The following KDM2B variants were observed in gnomAD, a reference collection of about 807,000 sequenced individuals.
KDM2B encodes the protein lysine-specific demethylase 2B.
A neutral mutation model predicts 150.0 loss-of-function variants in KDM2B; 26 were observed. The observed-to-expected ratio is 0.17, with a 90% CI of 0.13 to 0.24. The LOEUF (loss-of-function observed/expected upper bound fraction) is 0.24, where lower values mean the gene tolerates loss of function less well. KDM2B is among the 10% of genes least tolerant of loss of function. The pLI, the probability that KDM2B is intolerant of heterozygous loss-of-function variation, is 1.00. For missense variants in KDM2B, 1,265 were observed against 1,816.9 expected (o/e 0.70, Z 5.52); for synonymous variants, 734 against 729.5 (o/e 1.01, Z -0.10).
intron 12 of KDM2B, chr12:121,493,768 C>T (rs922034542): frequency 6.6e-4 from 100 of 152,220 alleles, no homozygotes; most frequent in African/African-American, 2.3e-3. Context: ...AGACAACAAA[C>T]TGCTCCTACA....
intron 6 of KDM2B, among the ~76,000 whole-genome samples, chr12:121,547,154 G>T (rs1950243215): frequency 6.6e-6 from 1 of 152,100 alleles, no homozygotes; most frequent in Admixed American, 6.6e-5. Context: ...TCTCCAGAGG[G>T]TAGGGGCTTG....
At chr12:121,573,260 G>A (rs1404030394) in intron 4 of KDM2B, among the ~76,000 whole-genome samples, 3 of 150,764 alleles carry the variant, frequency 2.0e-5, no homozygotes, top group South Asian at 4.2e-4. Flanking sequence ...TGCTCAGCCA[G>A]ATATATCATT....
intron 8 of KDM2B, among the ~76,000 whole-genome samples, chr12:121,525,471 C>T (rs1555306656): frequency 6.6e-6 from 1 of 152,130 alleles, no homozygotes; most frequent in African/African-American, 2.4e-5. Context: ...CTCTAACTCC[C>T]AGCCTCAGGT....
chr12:121,492,108 T>G (rs1555300060), intron 12 of KDM2B, among the ~76,000 whole-genome samples: 1 of 148,158 alleles, frequency 6.7e-6, no homozygotes, highest in African/African-American at 2.5e-5. Context: ...CAGTGACCTA[T>G]GATTGCACCA....
In KDM2B at chr12:121,533,409, G is replaced by C. The variant is rs551417373; in HGVS notation, c.778-450C>G. Among the ~76,000 whole-genome samples, 1 of 152,134 alleles carries C rather than the reference G, an allele frequency of 6.6e-6. No homozygotes were observed. Among genetic ancestry groups the C allele is most frequent in the African/African-American group, 2.4e-5 (1 of 41,410 alleles). On this transcript the variant is annotated intron_variant, in intron 7 of 22. Transcript: ENST00000377071. The surrounding 1 kb of genome is among the most constrained non-coding windows in gnomAD (Gnocchi z 4.1). ...TTCCTCCCAGAATTTCTTCCAACAC[G>C]TTCAGTTAAAACAAACGCACATGCA... is the stretch of plus-strand genomic sequence containing the variant.
At chr12:121,551,652 A>G (rs1430121453) in intron 4 of KDM2B, among the ~76,000 whole-genome samples, 2 of 152,104 alleles carry the variant, frequency 1.3e-5, no homozygotes, top group African/African-American at 4.8e-5. Context: ...TGCGGGGTTC[A>G]AGTGATTCTC....
At chr12:121,576,585 GCT>G (rs72099686) in intron 2 of KDM2B, among the ~76,000 whole-genome samples, 15,099 of 152,100 alleles carry the variant, frequency 0.099, 935 homozygotes, top group South Asian at 0.2. Flanking sequence ...TCACAGGCTC[GCT>G]CTCTGTCTGG....
At chr12:121,446,289 T>C (rs1876239430) in intron 13 of KDM2B, among the ~76,000 whole-genome samples, 1 of 152,098 alleles carries the variant, frequency 6.6e-6, no homozygotes, top group East Asian at 1.9e-4. Context: ...TCCCAGCTAC[T>C]CGGGAGACTG....
rs1880145462 is a variant in KDM2B at position 121,467,264 on chromosome 12, C to G, written c.1735-13920G>C. On this transcript the variant is annotated intron_variant, in intron 12 of 22. Coordinates refer to ENST00000377071, the MANE Select transcript of KDM2B (RefSeq NM_032590.5). This position sits in a 1 kb window ranked among gnomAD's most constrained non-coding sequence, Gnocchi z 5.1. ...CGCTGACATGGCTGGAGCGGCGCCG[C>G]CGCCGCCGCCCGCCCGGAGCAGGCT... 3.0e-6 allele frequency: 3 copies of G among 987,702 alleles called. No homozygotes were observed. The highest frequency in any genetic ancestry group is 1.8e-5 in the African/African-American group (1 of 56,944). 61.2% of individuals were successfully genotyped at this position (987,702 alleles called of 1,614,324 possible).
chr12:121,412,756 G>A, the KDM2B span, among the ~76,000 whole-genome samples: 173 of 138,484 alleles, frequency 1.2e-3, no homozygotes, highest in African/African-American at 4.6e-3. Context: ...ATGGAGTCTC[G>A]CTGTGTCACC....
Position 121,528,491 on chromosome 12 carries a change from G to T in KDM2B, c.931+4315C>A, listed in dbSNP as rs59152460. The stretch of plus-strand genomic sequence containing the variant: ...TGAGAATTGCTTAAACTTGGGAGGT[G>T]GAGGTTGCAGTGAGTCGAGATGGTG... On this transcript the variant is annotated intron_variant, in intron 8 of 22. Coordinates refer to ENST00000377071, the MANE Select transcript of KDM2B (RefSeq NM_032590.5). 1.9e-3 allele frequency among the ~76,000 whole-genome samples: 285 copies of T among 152,116 alleles called. 1 individual carries two copies. The highest frequency in any genetic ancestry group is 6.8e-3 in the African/African-American group (280 of 41,480).
At chr12:121,459,832 GAA>G (rs1205908155) in intron 12 of KDM2B, among the ~76,000 whole-genome samples, 1 of 113,502 alleles carries the variant, frequency 8.8e-6, no homozygotes, top group Non-Finnish European at 1.9e-5. Context: ...CTCCATCTCA[GAA>G]AAAAAAAAAA....
chr12:121,446,581 G>A (rs1397292302), intron 13 of KDM2B, among the ~76,000 whole-genome samples: 1 of 151,582 alleles, frequency 6.6e-6, no homozygotes, highest in African/African-American at 2.4e-5. Context: ...TGAGCTGGGA[G>A]GTGAAATGGC....
In KDM2B at chr12:121,533,009, C is replaced by T; in HGVS notation, c.778-50G>A. ...GCTGGAGACCCAGGCCCAGACAAGACCCAGAGAGAGGGCCCCACCTGCCTG... is the reference window on the plus strand; with the variant it reads ...GCTGGAGACCCAGGCCCAGACAAGATCCAGAGAGAGGGCCCCACCTGCCTG... On this transcript the variant is annotated intron_variant, in intron 7 of 22. Coordinates refer to ENST00000377071, the MANE Select transcript of KDM2B (RefSeq NM_032590.5). The surrounding 1 kb of genome is among the most constrained non-coding windows in gnomAD (Gnocchi z 4.1). The T allele has an allele frequency of 5.6e-6, 9 of 1,604,126 alleles. No homozygotes were observed. The highest frequency in any genetic ancestry group is 6.8e-6 in the Non-Finnish European group (8 of 1,173,138).
rs1840804088 is a variant in KDM2B, at chr12:121,513,477, G to T, written c.1048-75C>A. On this transcript the variant is annotated intron_variant, in intron 9 of 22. Coordinates refer to ENST00000377071, the MANE Select transcript of KDM2B (RefSeq NM_032590.5). The surrounding 1 kb of genome is among the most constrained non-coding windows in gnomAD (Gnocchi z 5.0). ...GGGGAAGGAGGGAGAGAAGTGCGGG[G>T]CAGGCTCCCTGCAGGTGAGGGTCAC... The T allele has an allele frequency of 2.6e-6, 4 of 1,537,236 alleles. No individual in the cohort carries two copies. Among genetic ancestry groups the T allele is most frequent in the Non-Finnish European group, 3.6e-6 (4 of 1,118,274 alleles).
chr12:121,548,140 C>T (rs1216773100), intron 6 of KDM2B, among the ~76,000 whole-genome samples: 1 of 152,056 alleles, frequency 6.6e-6, no homozygotes, highest in Non-Finnish European at 1.5e-5. Context: ...GGCCAGGCGC[C>T]GTGACTCACG....
chr12:121,574,671 C>A, intron 3 of KDM2B, 78 bp from the exon 4 acceptor site: 2 of 1,322,192 alleles, frequency 1.5e-6, no homozygotes. Context: ...CGGGGGGAAG[C>A]CATTTTTCCA....
intron 6 of KDM2B, among the ~76,000 whole-genome samples, chr12:121,539,141 A>T (rs1888394127): frequency 6.6e-6 from 1 of 151,954 alleles, no homozygotes; most frequent in African/African-American, 2.4e-5. Flanking sequence ...AGTGCTAATA[A>T]TAATAATAGC....
intron 12 of KDM2B, among the ~76,000 whole-genome samples, chr12:121,461,487 G>C (rs1555293760): frequency 6.6e-6 from 1 of 152,158 alleles, no homozygotes; most frequent in Non-Finnish European, 1.5e-5. Context: ...GGAGCAGAAG[G>C]AATGGAAGGA....
Sources: gnomAD v4.1 joint callset for allele counts (sites outside exome capture counted in the v4.1 genomes callset) on GRCh38, gnomAD v4.1.1 for gene constraint, Gnocchi (gnomAD v3.1) non-coding constraint, MANE v1.5 for transcripts, NCBI Gene and HGNC (gene_info 2026-07-23, HGNC 2026-07-21) for gene names.